The following SDHC variants were observed in gnomAD, a reference collection of about 807,000 sequenced individuals.
The protein encoded by SDHC is succinate dehydrogenase cytochrome b560 subunit, mitochondrial.
A neutral mutation model predicts 22.6 loss-of-function variants in SDHC; 11 were observed. The ratio of observed to expected loss-of-function variants is 0.49; its 90% CI spans 0.31 to 0.81. The LOEUF is 0.81. Ranked by LOEUF, SDHC falls within the 30% of genes least tolerant of loss-of-function variation. The pLI, the probability that SDHC is intolerant of heterozygous loss-of-function variation, is 0.05. For synonymous variants in SDHC, 80 were observed against 77.8 expected (o/e 1.03, Z -0.15); for missense variants, 160 against 212.0 (o/e 0.75, Z 1.52).
intron 3 of SDHC, among the ~76,000 whole-genome samples, chr1:161,329,098 G>C (rs938958713): frequency 6.6e-6 from 1 of 151,946 alleles, no homozygotes; most frequent in Non-Finnish European, 1.5e-5. Flanking sequence ...AGTAGAGATG[G>C]GATTTCACCA....
chr1:161,319,824 A>T (rs1324895888), intron 1 of SDHC, among the ~76,000 whole-genome samples: 1 of 152,180 alleles, frequency 6.6e-6, no homozygotes, highest in African/African-American at 2.4e-5. Context: ...GAGCAAAGGC[A>T]TGTGGTCAAA....
intron 5 of SDHC, among the ~76,000 whole-genome samples, chr1:161,360,590 T>G (rs1213919682): frequency 5.4e-4 from 66 of 122,784 alleles, no homozygotes; most frequent in African/African-American, 9.4e-4. Context: ...GGGTGGGTGG[T>G]GGGGTAGGGG....
chr1:161,354,665 G>GTGTGTA (rs1672206541), intron 4 of SDHC, among the ~76,000 whole-genome samples: 1 of 22,980 alleles, frequency 4.4e-5, no homozygotes, highest in Non-Finnish European at 6.6e-5. Flanking sequence ...TTATTTCTTT[G>GTGTGTA]TGTGTGTGTG....
At chr1:161,319,537 C>T (rs1670765621) in intron 1 of SDHC, among the ~76,000 whole-genome samples, 1 of 151,472 alleles carries the variant, frequency 6.6e-6, no homozygotes, top group Non-Finnish European at 1.5e-5. Context: ...ACCTCTGCCT[C>T]CTGGGTTCAA....
At chr1:161,351,063 T>C (rs1672082790) in intron 4 of SDHC, among the ~76,000 whole-genome samples, 1 of 152,162 alleles carries the variant, frequency 6.6e-6, no homozygotes, top group South Asian at 2.1e-4. Context: ...GAGAGAGGCA[T>C]TGAACCTGGA....
intron 4 of SDHC, among the ~76,000 whole-genome samples, chr1:161,356,057 C>T (rs966325608): frequency 1.3e-5 from 2 of 151,018 alleles, no homozygotes; most frequent in African/African-American, 2.4e-5. Flanking sequence ...ACTGTTTTTA[C>T]CTTTTCTTAG....
intron 2 of SDHC, among the ~76,000 whole-genome samples, chr1:161,325,717 C>G (rs1455528802): frequency 6.6e-6 from 1 of 152,118 alleles, no homozygotes; most frequent in African/African-American, 2.4e-5. Flanking sequence ...GAATCTAGTT[C>G]TTGATTTTTG....
chr1:161,324,008 T>A (rs1670954302), intron 2 of SDHC, among the ~76,000 whole-genome samples: 2 of 152,226 alleles, frequency 1.3e-5, no homozygotes, highest in South Asian at 4.1e-4. Context: ...GGAGATTATT[T>A]TTTTTTCCTT....
At chr1:161,320,249 C>G (rs927370817) in intron 1 of SDHC, among the ~76,000 whole-genome samples, 1 of 151,948 alleles carries the variant, frequency 6.6e-6, no homozygotes, top group Admixed American at 6.6e-5. Context: ...GAAAAGAAAT[C>G]AAGGATGACT....
intron 1 of SDHC, among the ~76,000 whole-genome samples, chr1:161,317,549 GGTTTTTTTTTTT>G (rs1558161061): frequency 0.021 from 2,344 of 112,852 alleles, 57 homozygotes; most frequent in African/African-American, 0.085. Flanking sequence ...GTGTGTGTGT[GGTTTTTTTTTTT>G]TTTTTTTTTT....
At chr1:161,326,023 G>A (rs1671033653) in intron 2 of SDHC, among the ~76,000 whole-genome samples, 1 of 151,986 alleles carries the variant, frequency 6.6e-6, no homozygotes, top group African/African-American at 2.4e-5. Context: ...CCAACGTACT[G>A]AAACCCCATC....
At chr1:161,314,623 G>A in intron 1 of SDHC, 198 bp downstream of exon 1, 2 of 629,976 alleles carry the variant, frequency 3.2e-6, no homozygotes, top group Non-Finnish European at 5.6e-6. Flanking sequence ...GTAGGGCTTC[G>A]GGGTCACTGA....
intron 1 of SDHC, among the ~76,000 whole-genome samples, chr1:161,323,357 G>A (rs2102294726): frequency 6.6e-6 from 1 of 152,140 alleles, no homozygotes; most frequent in East Asian, 1.9e-4. Context: ...TACCAACTCT[G>A]ATTATTCTTA....
chr1:161,346,293 T>C (rs1156332981), intron 4 of SDHC, among the ~76,000 whole-genome samples: 1 of 152,234 alleles, frequency 6.6e-6, no homozygotes, highest in Non-Finnish European at 1.5e-5. Context: ...CACCTTCTAA[T>C]TAACCTCCTG....
chr1:161,346,165 T>G (rs1164116161), intron 4 of SDHC, among the ~76,000 whole-genome samples: 1 of 152,158 alleles, frequency 6.6e-6, no homozygotes, highest in East Asian at 1.9e-4. Flanking sequence ...ATCTATCTTA[T>G]TTACCATTCA....
chr1:161,352,860 C>T (rs2102361663), intron 4 of SDHC, among the ~76,000 whole-genome samples: 1 of 152,242 alleles, frequency 6.6e-6, no homozygotes, highest in South Asian at 2.1e-4. Flanking sequence ...ACCCGTAGTC[C>T]CAGCTACTCG....
chr1:161,331,568 C>T (rs1312227128), intron 3 of SDHC, among the ~76,000 whole-genome samples: 1 of 151,586 alleles, frequency 6.6e-6, no homozygotes, highest in African/African-American at 2.4e-5. Context: ...GTGTGAACCA[C>T]TGTACCAGGC....
intron 3 of SDHC, among the ~76,000 whole-genome samples, chr1:161,337,491 AG>A (rs1273066414): frequency 6.6e-6 from 1 of 152,164 alleles, no homozygotes; most frequent in Non-Finnish European, 1.5e-5. Flanking sequence ...CTACCTTTTG[AG>A]GCCGTCGGTC....
At chr1:161,335,381 C>T (rs1316417463) in intron 3 of SDHC, among the ~76,000 whole-genome samples, 1 of 152,120 alleles carries the variant, frequency 6.6e-6, no homozygotes, top group Non-Finnish European at 1.5e-5. Context: ...TATTCTTTCT[C>T]ATCAGATATT....
Sources: allele counts gnomAD v4.1 joint callset (sites outside exome capture counted in the v4.1 genomes callset), GRCh38; gene constraint gnomAD v4.1.1; transcripts MANE v1.5; gene names NCBI Gene and HGNC (gene_info 2026-07-23, HGNC 2026-07-21).